Variants in CDC40 observed in about 807,000 individuals in gnomAD.
CDC40 encodes the protein cell division cycle 40.
Under a neutral mutation model 80.6 loss-of-function variants are expected in CDC40, and 27 were observed. That is an observed-to-expected ratio of 0.33 (90% CI 0.25 to 0.46). The LOEUF (loss-of-function observed/expected upper bound fraction) is 0.46, where lower values mean the gene tolerates loss of function less well. Among genes scored for constraint, CDC40 ranks in the 20% least tolerant of loss-of-function variants. CDC40 has a pLI of 1.00. For missense variants in CDC40, 486 were observed against 694.1 expected (o/e 0.70, Z 3.37); for synonymous variants, 221 against 232.6 (o/e 0.95, Z 0.45).
At chr6:110,191,001 A>C (rs548130928) in intron 1 of CDC40, among the ~76,000 whole-genome samples, 5 of 152,256 alleles carry the variant, frequency 3.3e-5, no homozygotes, top group Admixed American at 3.3e-4. Context: ...GTGGTAATTG[A>C]AGTCATGAAA....
intron 3 of CDC40, among the ~76,000 whole-genome samples, chr6:110,206,201 G>A (rs1297613728): frequency 2.0e-5 from 3 of 152,052 alleles, no homozygotes; most frequent in Admixed American, 6.5e-5. Flanking sequence ...GCAGTGGCGC[G>A]ATCTCAGCTC....
intron 12 of CDC40, among the ~76,000 whole-genome samples, chr6:110,221,174 T>C (rs1777771200): frequency 1.3e-5 from 2 of 152,232 alleles, no homozygotes; most frequent in Non-Finnish European, 1.5e-5. Context: ...AAACGAATGA[T>C]TGGATGGAAG....
chr6:110,181,409 T>C (rs1285790513), intron 1 of CDC40, among the ~76,000 whole-genome samples: 3 of 152,102 alleles, frequency 2.0e-5, no homozygotes, highest in Non-Finnish European at 2.9e-5. Context: ...CATCTACCAA[T>C]TGGTAGTGTA....
chr6:110,219,334 T>TACCTATTTAATTTG (rs1562206574), intron 10 of CDC40, 30 bp from the exon 11 acceptor site: 1 of 989,166 alleles, frequency 1.0e-6, no homozygotes, highest in Admixed American at 2.0e-5. Flanking sequence ...AAATTTATTT[T>TACCTATTTAATTTG]ACCTATTTAA....
Position 110,213,123 on chromosome 6 carries a change from A to G in CDC40, c.905A>G (p.His302Arg). 6.2e-7 allele frequency: 1 copy of G among 1,612,482 alleles called. No homozygotes were observed. Among genetic ancestry groups the G allele is most frequent in the South Asian group, 1.1e-5 (1 of 91,054 alleles). ...SAVRLFPLSG[H>R]LLLSCSMDCK... ...GTCAGATTGTTTCCTCTCTCTGGCCATTTATTGCTGTCTTGTTCCATGGAC... is the reference window on the plus strand; with the variant it reads ...GTCAGATTGTTTCCTCTCTCTGGCCGTTTATTGCTGTCTTGTTCCATGGAC... The change falls in exon 8 of 15, where the codon CAT (histidine) becomes CGT (arginine). Residue 302 changes from histidine (H) to arginine (R), a missense_variant. Physicochemically the swap from His to Arg is conservative, Grantham distance 29. Around this residue, in one of 3 missense-constraint regions of CDC40, gnomAD observed 381 missense variants for 492.1 expected, o/e 0.77. Coordinates refer to ENST00000307731, the MANE Select transcript of CDC40 (RefSeq NM_015891.3).
At chr6:110,219,343 A>G in intron 10 of CDC40, 21 bp from the exon 11 acceptor site, 1 of 1,086,574 alleles carries the variant, frequency 9.2e-7, no homozygotes, top group South Asian at 1.3e-5. Context: ...TTACCTATTT[A>G]ATTTGAGTCT....
At chr6:110,211,805 A>T (rs1777640483) in intron 6 of CDC40, 1 of 174,354 alleles carries the variant, frequency 5.7e-6, no homozygotes, top group Admixed American at 6.2e-5. Flanking sequence ...CCCAAGTATT[A>T]TCTTCCCTTG....
chr6:110,189,760 A>G (rs915959989), intron 1 of CDC40, among the ~76,000 whole-genome samples: 1 of 152,218 alleles, frequency 6.6e-6, no homozygotes, highest in Admixed American at 6.5e-5. Context: ...TTAAGGAAGA[A>G]GAAAAACTTG....
chr6:110,193,622 G>A (rs943518331), intron 2 of CDC40, among the ~76,000 whole-genome samples: 16 of 152,186 alleles, frequency 1.1e-4, no homozygotes, highest in African/African-American at 3.9e-4. Flanking sequence ...AGCCAGGATG[G>A]TCTCAATCTC....
chr6:110,215,305 A>C lies in CDC40; in HGVS notation c.962A>C (p.Glu321Ala). ...CKIKLWEVYGERRCLRTFIGH... is the reference protein window; with the variant it reads ...CKIKLWEVYGARRCLRTFIGH... The stretch of plus-strand genomic sequence containing the variant: ...CCCCAGCTATGGGAGGTTTATGGAG[A>C]ACGGCGCTGTCTGAGAACATTTATT... Residue 321 changes from glutamate (E) to alanine (A), a missense_variant, in exon 9 of 15, where the codon GAA (glutamate) becomes GCA (alanine). By Grantham distance (107) the Glu-to-Ala change is moderately radical. Coordinates refer to ENST00000307731, the MANE Select transcript of CDC40 (RefSeq NM_015891.3). 6.2e-7 allele frequency: 1 copy of C among 1,613,466 alleles called. No homozygotes were observed.
intron 1 of CDC40, among the ~76,000 whole-genome samples, chr6:110,189,095 A>G (rs1202371169): frequency 1.3e-5 from 2 of 152,136 alleles, no homozygotes; most frequent in Non-Finnish European, 2.9e-5. Context: ...AACATTGTTC[A>G]TTGTGGTTAC....
chr6:110,223,637 T>G (rs1367782614), intron 12 of CDC40, among the ~76,000 whole-genome samples: 1 of 152,148 alleles, frequency 6.6e-6, no homozygotes, highest in Non-Finnish European at 1.5e-5. Flanking sequence ...ACTGGGGCCT[T>G]CAGACAAGTG....
At chr6:110,226,000 G>C (rs1268790477) in intron 12 of CDC40, among the ~76,000 whole-genome samples, 167 bp from the exon 13 acceptor site, 1 of 152,214 alleles carries the variant, frequency 6.6e-6, no homozygotes, top group Non-Finnish European at 1.5e-5. Context: ...AAGCAGTACA[G>C]TGTCATCTTG....
At chr6:110,214,912 G>A (rs1387122347) in intron 8 of CDC40, among the ~76,000 whole-genome samples, 1 of 152,042 alleles carries the variant, frequency 6.6e-6, no homozygotes, top group Non-Finnish European at 1.5e-5. Context: ...TCCTTTAAAC[G>A]TCATTTGTAG....
In CDC40 at chr6:110,231,490, A is replaced by G. The variant is rs998253281; in HGVS notation, c.*1359A>G. On this transcript the variant is annotated 3_prime_UTR_variant, in exon 15 of 15. Transcript: ENST00000307731. ...ACTCCAGCCTGGGCGACAGAGCGAG[A>G]CTCCACCTCAAAAAATAAAATCAAG... is the stretch of plus-strand genomic sequence containing the variant. 11 of 152,204 alleles carry G rather than the reference A, an allele frequency of 7.2e-5. No homozygotes were observed. The highest frequency in any genetic ancestry group is 2.7e-4 in the African/African-American group (11 of 41,428). The allele number at this position is 152,204 out of a possible 1,614,324, so 9.4% of individuals were successfully genotyped here.
At position 110,218,189 on chromosome 6, in the gene CDC40, T is replaced by C. The variant is rs186030857; in HGVS notation, c.1090+386T>C. On this transcript the variant is annotated intron_variant, in intron 10 of 14. Transcript: ENST00000307731. The stretch of plus-strand genomic sequence containing the variant: ...GCGCAAATTGATTAAAATGTAGGTC[T>C]CAACTTTCACAGGCCAGTTGGTTTT... Among the ~76,000 whole-genome samples, 198 of 152,354 alleles carry C rather than the reference T, an allele frequency of 1.3e-3. 1 individual carries two copies. The highest frequency in any genetic ancestry group is 6.8e-3 in the Middle Eastern group (2 of 294).
chr6:110,232,049 G>A lies in CDC40; in HGVS notation c.*1918G>A, dbSNP rs1193390684. The stretch of plus-strand genomic sequence containing the variant: ...TTATTGAAATGTGAAGGGACAAAAA[G>A]AATCATACATTTAAACTGTCTTGTT... On this transcript the variant is annotated 3_prime_UTR_variant, in exon 15 of 15. Coordinates refer to ENST00000307731, the MANE Select transcript of CDC40 (RefSeq NM_015891.3). 2.0e-5 allele frequency: 3 copies of A among 149,676 alleles called. No individual in the cohort carries two copies. The highest frequency in any genetic ancestry group is 4.4e-5 in the Non-Finnish European group (3 of 67,516). The allele number at this position is 149,676 out of a possible 1,614,324, so 9.3% of individuals were successfully genotyped here.
chr6:110,215,309 G>T lies in CDC40; in HGVS notation c.966G>T (p.Arg322=). ...AGCTATGGGAGGTTTATGGAGAACG[G>T]CGCTGTCTGAGAACATTTATTGGTA... ...KIKLWEVYGE[R]RCLRTFIGHS... is the part of the protein sequence containing the mutation. The change falls in exon 9 of 15, where the codon CGG becomes CGT. Residue 322 remains arginine (R), a synonymous_variant. Transcript: ENST00000307731. The T allele has an allele frequency of 6.2e-7, 1 of 1,613,516 alleles. No individual in the cohort carries two copies. Among genetic ancestry groups the T allele is most frequent in the Non-Finnish European group, 8.5e-7 (1 of 1,179,496 alleles).
chr6:110,217,923 A>G (rs1777721356), intron 10 of CDC40, 120 bp downstream of exon 10: 1 of 558,464 alleles, frequency 1.8e-6, no homozygotes, highest in Admixed American at 3.3e-5. Context: ...CATACCATTC[A>G]CTGTCAGCAA....
Sources: allele counts gnomAD v4.1 joint callset (sites outside exome capture counted in the v4.1 genomes callset), GRCh38; gene constraint gnomAD v4.1.1; regional missense constraint gnomAD v4.1.1; transcripts MANE v1.5; gene names NCBI Gene and HGNC (gene_info 2026-07-23, HGNC 2026-07-21).